EXT1: variants seen among roughly 807,000 people sequenced by gnomAD.
The protein encoded by EXT1 is exostosin-1.
Under a neutral mutation model 82.5 loss-of-function variants are expected in EXT1, and 20 were observed. That is an observed-to-expected ratio of 0.24 (90% CI 0.17 to 0.35). The LOEUF (loss-of-function observed/expected upper bound fraction) is 0.35. Among genes scored for constraint, EXT1 ranks in the 10% least tolerant of loss-of-function variants. The pLI, the probability that EXT1 is intolerant of heterozygous loss-of-function variation, is 1.00. For missense variants in EXT1, 757 were observed against 936.5 expected, an observed-to-expected ratio of 0.81 and a Z score of 2.50; for synonymous variants, 348 against 350.8, an observed-to-expected ratio of 0.99 and a Z score of 0.09.
intron 1 of EXT1, among the ~76,000 whole-genome samples, chr8:117,972,402 T>C (rs554610244): frequency 3.3e-5 from 5 of 152,228 alleles, no homozygotes; most frequent in African/African-American, 4.8e-5. Context: ...AGTTAAGTGA[T>C]AGATAGACAC....
chr8:118,070,549 G>T (rs1313477789), intron 1 of EXT1, among the ~76,000 whole-genome samples: 4 of 152,086 alleles, frequency 2.6e-5, no homozygotes, highest in African/African-American at 7.2e-5. Flanking sequence ...GGGAAAATCG[G>T]AACTGATCTA....
intron 1 of EXT1, among the ~76,000 whole-genome samples, chr8:118,036,227 T>C (rs1213022385): frequency 1.3e-5 from 2 of 152,162 alleles, no homozygotes; most frequent in Non-Finnish European, 2.9e-5. Flanking sequence ...TCCTTAACCA[T>C]ATGATCTTCC....
rs564362400 is a variant in EXT1 at position 118,100,546 on chromosome 8, G to A, written c.962+9539C>T. 7.9e-5 allele frequency among the ~76,000 whole-genome samples: 12 copies of A among 152,198 alleles called. No homozygotes were observed. In the South Asian group the frequency reaches 1.9e-3, roughly 24 times the overall value. On this transcript the variant is annotated intron_variant, in intron 1 of 10. Coordinates refer to ENST00000378204, the MANE Select transcript of EXT1 (RefSeq NM_000127.3). ...AGGTGGATCACGAGGTCAGGAGATC[G>A]AGACCATCCTGGCTAACACGGTGAA...
At chr8:118,092,218 G>T (rs560896268) in intron 1 of EXT1, among the ~76,000 whole-genome samples, 6 of 152,220 alleles carry the variant, frequency 3.9e-5, no homozygotes, top group East Asian at 3.9e-4. Flanking sequence ...ATATTTTTTT[G>T]TCTGTCACCC....
chr8:118,021,382 T>C (rs762009959), intron 1 of EXT1, among the ~76,000 whole-genome samples: 8 of 152,246 alleles, frequency 5.3e-5, no homozygotes, highest in African/African-American at 1.7e-4. Flanking sequence ...TTACAAGATA[T>C]ATGTTTTTAA....
At chr8:117,991,270 C>A (rs1006553245) in intron 1 of EXT1, among the ~76,000 whole-genome samples, 3 of 151,970 alleles carry the variant, frequency 2.0e-5, no homozygotes, top group Admixed American at 1.3e-4. Flanking sequence ...GCCACCACGC[C>A]CAGCTAAATT....
intron 8 of EXT1, among the ~76,000 whole-genome samples, chr8:117,809,650 A>T (rs1225060307): frequency 1.4e-5 from 2 of 147,246 alleles, no homozygotes; most frequent in African/African-American, 5.0e-5. Flanking sequence ...AAAAAAAAAA[A>T]TCCAGAGCGG....
intron 1 of EXT1, among the ~76,000 whole-genome samples, chr8:117,971,229 C>G (rs758381302): frequency 2.6e-5 from 4 of 152,166 alleles, no homozygotes; most frequent in Non-Finnish European, 4.4e-5. Context: ...ACAGACCACT[C>G]ACTGTAGAAA....
chr8:118,019,336 T>C (rs1816060126), intron 1 of EXT1, among the ~76,000 whole-genome samples: 1 of 152,146 alleles, frequency 6.6e-6, no homozygotes, highest in Non-Finnish European at 1.5e-5. Flanking sequence ...AGGTAAGTCT[T>C]GAGCACATGT....
rs1312176251 is a variant in EXT1 at position 117,837,198 on chromosome 8, A to G, written c.966T>C (p.Tyr322=). Residue 322 remains tyrosine (Y), a synonymous_variant, in exon 2 of 11, where the codon TAT becomes TAC. Transcript: ENST00000378204. ...CATTGTGCAGCATTTCCCGATAATC[A>G]TACCTAGAAAGAGAAGAGGAGTAAA... ...CDRDNTEYEK[Y]DYREMLHNAT... 16 of 1,612,892 alleles carry G rather than the reference A, an allele frequency of 9.9e-6. No homozygotes were observed. In the East Asian group the frequency reaches 2.2e-4, roughly 22 times the overall value.
rs139684308 is a variant in EXT1 at position 117,925,960 on chromosome 8, C to T, written c.963-88759G>A. Among the ~76,000 whole-genome samples, 74 of 152,148 alleles carry T rather than the reference C, an allele frequency of 4.9e-4. No individual in the cohort carries two copies. The East Asian group carries it at 5.2e-3, about 11-fold the overall frequency. ...TTCATCCCTCATATCCTGCAATAGC[C>T]GTTTCGCATGTTATCTCTTTTGGCT... is the stretch of plus-strand genomic sequence containing the variant. On this transcript the variant is annotated intron_variant, in intron 1 of 10. Coordinates refer to ENST00000378204, the MANE Select transcript of EXT1 (RefSeq NM_000127.3).
In EXT1 at chr8:118,030,486, G is replaced by T. The variant is rs975993179; in HGVS notation, c.962+79599C>A. Among the ~76,000 whole-genome samples the T allele has an allele frequency of 3.3e-5, 5 of 150,540 alleles. No homozygotes were observed. In the East Asian group the frequency reaches 5.8e-4, roughly 18 times the overall value. On this transcript the variant is annotated intron_variant, in intron 1 of 10. Transcript: ENST00000378204. ...AAAGAGAAATTAGAGGGTTTTTTTT[G>T]TTTGTTTGTTTTTTAAATGGAGTTT...
chr8:117,885,716 G>T (rs1484966080), intron 1 of EXT1, among the ~76,000 whole-genome samples: 1 of 152,052 alleles, frequency 6.6e-6, no homozygotes, highest in Admixed American at 6.6e-5. Context: ...CTGTATTTTT[G>T]ATAGCCATTC....
chr8:117,869,413 T>TCC (rs1812832238), intron 1 of EXT1, among the ~76,000 whole-genome samples: 1 of 152,158 alleles, frequency 6.6e-6, no homozygotes, highest in Admixed American at 6.5e-5. Flanking sequence ...ACTCTCTGAG[T>TCC]CCAGGATGCA....
intron 1 of EXT1, among the ~76,000 whole-genome samples, chr8:118,065,862 G>C (rs1816976086): frequency 6.6e-6 from 1 of 152,176 alleles, no homozygotes; most frequent in African/African-American, 2.4e-5. Flanking sequence ...AAATGGGCTG[G>C]AGTCCTCACT....
intron 1 of EXT1, among the ~76,000 whole-genome samples, chr8:118,048,630 T>A (rs1816661934): frequency 6.6e-6 from 1 of 152,164 alleles, no homozygotes; most frequent in Non-Finnish European, 1.5e-5. Context: ...CAGAGCAAGA[T>A]CCCTGGAGAA....
intron 1 of EXT1, among the ~76,000 whole-genome samples, chr8:118,087,409 T>C (rs899567421): frequency 1.5e-4 from 23 of 152,308 alleles, no homozygotes; most frequent in Admixed American, 1.4e-3. Context: ...TTGTCAGGGA[T>C]CTTTAACCAA....
intron 1 of EXT1, among the ~76,000 whole-genome samples, chr8:118,065,306 C>T (rs1223915120): frequency 1.3e-5 from 2 of 152,036 alleles, no homozygotes; most frequent in Non-Finnish European, 2.9e-5. Context: ...TTTAAATATG[C>T]TTCTAGATGG....
intron 1 of EXT1, among the ~76,000 whole-genome samples, chr8:117,888,342 A>C (rs183264835): frequency 6.6e-6 from 1 of 152,252 alleles, no homozygotes; most frequent in Admixed American, 6.5e-5. Flanking sequence ...AAACAATTAC[A>C]TTCATATAGA....
Sources: allele counts gnomAD v4.1 joint callset (sites outside exome capture counted in the v4.1 genomes callset), GRCh38; gene constraint gnomAD v4.1.1; transcripts MANE v1.5; gene names NCBI Gene and HGNC (gene_info 2026-07-23, HGNC 2026-07-21).